Variants in QKI observed in about 807,000 individuals in gnomAD.
The protein encoded by QKI is QKI, KH domain containing RNA binding.
In QKI, 10 loss-of-function variants were observed where a neutral mutation model predicts 39.0. The ratio of observed to expected loss-of-function variants is 0.26; its 90% confidence interval spans 0.16 to 0.43. The LOEUF (loss-of-function observed/expected upper bound fraction) is 0.43. Among genes scored for constraint, QKI ranks in the 20% least tolerant of loss-of-function variants. The pLI, the probability that QKI is intolerant of heterozygous loss-of-function variation, is 1.00. For synonymous variants in QKI, 204 were observed against 155.4 expected, an observed-to-expected ratio of 1.31 and a Z score of -2.33; for missense variants, 218 against 428.0, an observed-to-expected ratio of 0.51 and a Z score of 4.33.
chr6:163,525,964 GT>G (rs920113629), intron 3 of QKI, among the ~76,000 whole-genome samples: 6 of 152,082 alleles, frequency 3.9e-5, no homozygotes, highest in Admixed American at 1.3e-4. Flanking sequence ...TTTTTTGTTT[GT>G]TTGTTTTAGT....
At chr6:163,424,641 ATTTTTTT>A (rs113916256) in intron 1 of QKI, among the ~76,000 whole-genome samples, 1 of 144,814 alleles carries the variant, frequency 6.9e-6, no homozygotes, top group African/African-American at 2.5e-5. Context: ...TTGGTTTTTA[ATTTTTTT>A]TTTTTTTTTA....
chr6:163,429,641 A>AT (rs1365262197), intron 1 of QKI, among the ~76,000 whole-genome samples: 2 of 152,100 alleles, frequency 1.3e-5, no homozygotes, highest in Non-Finnish European at 2.9e-5. Context: ...CCAAACTCTT[A>AT]TTTTTGCAAT....
At chr6:163,539,563 C>A (rs1359595940) in intron 4 of QKI, among the ~76,000 whole-genome samples, 1 of 152,124 alleles carries the variant, frequency 6.6e-6, no homozygotes, top group African/African-American at 2.4e-5. Flanking sequence ...CTAAAGGTGC[C>A]TTCCTAAATA....
At chr6:163,478,954 C>G (rs980600750) in intron 3 of QKI, 58 bp downstream of exon 3, 3 of 1,341,440 alleles carry the variant, frequency 2.2e-6, no homozygotes, top group South Asian at 1.3e-5. Flanking sequence ...ACTTTTACAT[C>G]GTAATAATAA....
chr6:163,457,796 C>T (rs1419202666), intron 2 of QKI, among the ~76,000 whole-genome samples: 1 of 151,982 alleles, frequency 6.6e-6, no homozygotes, highest in African/African-American at 2.4e-5. Context: ...GTGGACATTT[C>T]AGTGACAAAG....
rs560395112 is a variant in QKI at position 163,561,491 on chromosome 6, G to A, written c.547-491G>A. Reference sequence around the variant, plus strand: ...GGCATGGTGGCGCGTGCCTCTAGTCGCAGCTACTTCGGAGGCTGAGGTAGG... The same window carrying A: ...GGCATGGTGGCGCGTGCCTCTAGTCACAGCTACTTCGGAGGCTGAGGTAGG... On this transcript the variant is annotated intron_variant, in intron 4 of 7. Transcript: ENST00000361752. Among the ~76,000 whole-genome samples, 189 of 152,148 alleles carry A rather than the reference G, an allele frequency of 1.2e-3. 1 individual carries two copies. The highest frequency in any genetic ancestry group is 4.3e-3 in the African/African-American group (179 of 41,520).
At chr6:163,446,711 G>C (rs1436504211) in intron 1 of QKI, among the ~76,000 whole-genome samples, 2 of 152,068 alleles carry the variant, frequency 1.3e-5, no homozygotes, top group Non-Finnish European at 2.9e-5. Context: ...TTTTTGGTAA[G>C]TTGAAACAAA....
In QKI at chr6:163,571,619, A is replaced by G. The variant is rs1165451745; in HGVS notation, c.*909A>G. 1 of 152,150 alleles carries G rather than the reference A, an allele frequency of 6.6e-6. No homozygotes were observed. The highest frequency in any genetic ancestry group is 2.4e-5 in the African/African-American group (1 of 41,456). The allele number at this position is 152,150 out of a possible 1,614,324, so 9.4% of individuals were successfully genotyped here. ...TAGATAAAGTGTAGTGCATTGAAAC[A>G]AATGAACAAAAAGTAGATACTTTTA... On this transcript the variant is annotated 3_prime_UTR_variant, in exon 8 of 8. Coordinates refer to ENST00000361752, the MANE Select transcript of QKI (RefSeq NM_006775.3).
At chr6:163,474,622 A>G (rs186368888) in intron 2 of QKI, among the ~76,000 whole-genome samples, 209 of 152,104 alleles carry the variant, frequency 1.4e-3, no homozygotes, top group Non-Finnish European at 2.0e-3. Context: ...GGCACAATCA[A>G]AAAAGCTCTA....
chr6:163,468,094 G>A (rs1239963955), intron 2 of QKI, among the ~76,000 whole-genome samples: 1 of 152,108 alleles, frequency 6.6e-6, no homozygotes, highest in Non-Finnish European at 1.5e-5. Context: ...ACTAGATTGG[G>A]TGTGGTCCGT....
chr6:163,564,766 G>A, intron 6 of QKI: 1 of 1,611,904 alleles, frequency 6.2e-7, no homozygotes, highest in Admixed American at 1.7e-5. Flanking sequence ...CAGTCAATGT[G>A]GAACAAACTG....
intron 1 of QKI, among the ~76,000 whole-genome samples, chr6:163,444,753 AC>A (rs1790019374): frequency 6.6e-6 from 1 of 151,912 alleles, no homozygotes; most frequent in Non-Finnish European, 1.5e-5. Context: ...TAAAATTTTA[AC>A]AACATTATTT....
At chr6:163,547,915 AC>A (rs1209004494) in intron 4 of QKI, among the ~76,000 whole-genome samples, 1 of 152,066 alleles carries the variant, frequency 6.6e-6, no homozygotes, top group Non-Finnish European at 1.5e-5. Flanking sequence ...ACTTTCTATC[AC>A]CCCATGGTAA....
chr6:163,461,311 C>T (rs1791331819), intron 2 of QKI, among the ~76,000 whole-genome samples: 1 of 152,136 alleles, frequency 6.6e-6, no homozygotes, highest in African/African-American at 2.4e-5. Flanking sequence ...GAAAACAATA[C>T]ATTTTGTTTA....
chr6:163,419,428 G>A (rs1191478867), intron 1 of QKI, among the ~76,000 whole-genome samples: 1 of 152,070 alleles, frequency 6.6e-6, no homozygotes, highest in Non-Finnish European at 1.5e-5. Flanking sequence ...GTCTGAAGAA[G>A]CAATTACTGT....
rs947712900 is a variant in QKI, at chr6:163,500,341, G to T, written c.402+21445G>T. Among the ~76,000 whole-genome samples the T allele has an allele frequency of 5.9e-5, 9 of 152,134 alleles. No individual in the cohort carries two copies. The South Asian group carries it at 1.7e-3, about 28-fold the overall frequency. On this transcript the variant is annotated intron_variant, in intron 3 of 7. Transcript: ENST00000361752. ...AAGGAAGGGGATTCATTAGTTGGCT[G>T]TTGCAGTTGTTGAGGCAAGAGATGG...
At chr6:163,427,629 A>G (rs1788513386) in intron 1 of QKI, among the ~76,000 whole-genome samples, 1 of 152,022 alleles carries the variant, frequency 6.6e-6, no homozygotes, top group Non-Finnish European at 1.5e-5. Flanking sequence ...GCAGACATGG[A>G]AAATACACAT....
chr6:163,475,140 A>G (rs545240885), intron 2 of QKI, among the ~76,000 whole-genome samples: 204 of 152,288 alleles, frequency 1.3e-3, no homozygotes, highest in Non-Finnish European at 2.5e-3. Context: ...GGTGTACCAT[A>G]TAATTTACCA....
At chr6:163,567,581 C>A in intron 7 of QKI, 1 of 983,038 alleles carries the variant, frequency 1.0e-6, no homozygotes, top group Non-Finnish European at 1.2e-6. Flanking sequence ...TCCTTTACAA[C>A]TTTTATAATT....
Sources: gnomAD v4.1 joint callset for allele counts (sites outside exome capture counted in the v4.1 genomes callset) on GRCh38, gnomAD v4.1.1 for gene constraint, MANE v1.5 for transcripts, NCBI Gene and HGNC (gene_info 2026-07-23, HGNC 2026-07-21) for gene names.